The following CC2D2A variants were observed in gnomAD, a reference collection of about 807,000 sequenced individuals.
The protein encoded by CC2D2A is coiled-coil and C2 domain-containing protein 2A.
Under a neutral mutation model 212.9 loss-of-function variants are expected in CC2D2A, and 155 were observed. The ratio of observed to expected loss-of-function variants is 0.73; its 90% CI spans 0.64 to 0.83. The LOEUF is 0.83. Among genes scored for constraint, CC2D2A ranks in the 40% least tolerant of loss-of-function variants. The pLI, the probability that CC2D2A is intolerant of heterozygous loss-of-function variation, is 0.00. For synonymous variants in CC2D2A, 667 were observed against 686.5 expected (o/e 0.97, Z 0.44); for missense variants, 1,856 against 1,956.2 (o/e 0.95, Z 0.97).
intron 17 of CC2D2A, among the ~76,000 whole-genome samples, chr4:15,548,689 C>G (rs1311709618): frequency 6.6e-6 from 1 of 152,070 alleles, no homozygotes; most frequent in African/African-American, 2.4e-5. Context: ...ACCAAGGTCT[C>G]CAGTGCAATA....
chr4:15,490,240 C>A (rs927900325), intron 4 of CC2D2A, among the ~76,000 whole-genome samples: 4 of 152,156 alleles, frequency 2.6e-5, no homozygotes, highest in Admixed American at 2.0e-4. Flanking sequence ...TATCAAACTA[C>A]AATCCAGTTT....
At chr4:15,493,710 G>T (rs1715447919) in intron 4 of CC2D2A, among the ~76,000 whole-genome samples, 1 of 152,108 alleles carries the variant, frequency 6.6e-6, no homozygotes, top group Non-Finnish European at 1.5e-5. Context: ...TCCCCCACTG[G>T]CATACATTCT....
At position 15,569,211 on chromosome 4, in the gene CC2D2A, A is replaced by AT. The variant is rs371876511; in HGVS notation, c.3399-77dup. The AT allele has an allele frequency of 7.4e-4, 557 of 753,060 alleles. 5 individuals carry two copies. In the African/African-American group the frequency reaches 8.7e-3, roughly 12 times the overall value. 46.6% of individuals were successfully genotyped at this position (753,060 alleles called of 1,614,324 possible). On this transcript the variant is annotated intron_variant, in intron 26 of 36. Transcript: ENST00000424120. ...CTAACATCTATGCTCATATTTGGGT[A>AT]TTTTTCAAATGCTGACATTTGAATG...
chr4:15,593,467 AT>A (rs1721195157), intron 33 of CC2D2A, among the ~76,000 whole-genome samples: 1 of 152,172 alleles, frequency 6.6e-6, no homozygotes, highest in Non-Finnish European at 1.5e-5. Context: ...AATACCACAT[AT>A]ATGCCGATGA....
chr4:15,555,770 G>A (rs1196355199), intron 20 of CC2D2A, among the ~76,000 whole-genome samples: 1 of 152,004 alleles, frequency 6.6e-6, no homozygotes, highest in African/African-American at 2.4e-5. Context: ...CCCTTTATCT[G>A]GGCACACAAT....
In CC2D2A at chr4:15,553,276, A is replaced by G. The variant is rs1206142167; in HGVS notation, c.2457A>G (p.Pro819=). ...AAAACGGGATACCTTTAATTCCTCCATTGTCACAGCAGAACATCGGATTTC... is the reference window on the plus strand; with the variant it reads ...AAAACGGGATACCTTTAATTCCTCCGTTGTCACAGCAGAACATCGGATTTC... The part of the protein sequence containing the change: ...IGENGIPLIP[P]LSQQNIGFRS... Residue 819 remains proline (P), a synonymous_variant, in exon 19 of 37, where the codon CCA becomes CCG. Coordinates refer to ENST00000424120, the MANE Select transcript of CC2D2A (RefSeq NM_001378615.1). The G allele has an allele frequency of 1.2e-6, 2 of 1,613,262 alleles. No individual in the cohort carries two copies. Among genetic ancestry groups the G allele is most frequent in the Admixed American group, 1.7e-5 (1 of 59,932 alleles).
intron 11 of CC2D2A, among the ~76,000 whole-genome samples, chr4:15,525,590 C>G (rs1201115739): frequency 6.6e-6 from 1 of 152,122 alleles, no homozygotes; most frequent in Non-Finnish European, 1.5e-5. Flanking sequence ...GATCTGATCT[C>G]TGAAAGGCCA....
At chr4:15,472,144 C>T (rs1014650855) in intron 1 of CC2D2A, among the ~76,000 whole-genome samples, 26 of 152,082 alleles carry the variant, frequency 1.7e-4, no homozygotes, top group African/African-American at 4.8e-4. Flanking sequence ...TGAGGGAGGA[C>T]TCAGGAATCA....
intron 28 of CC2D2A, among the ~76,000 whole-genome samples, chr4:15,571,067 T>C (rs1026736859): frequency 1.3e-5 from 2 of 152,200 alleles, no homozygotes; most frequent in Non-Finnish European, 2.9e-5. Context: ...AGTTAATGTA[T>C]GACTGTTCAA....
intron 33 of CC2D2A, among the ~76,000 whole-genome samples, chr4:15,595,243 A>G (rs2148492901): frequency 6.6e-6 from 1 of 152,342 alleles, no homozygotes; most frequent in Non-Finnish European, 1.5e-5. Flanking sequence ...TACTGAATGG[A>G]CAAATTCATG....
chr4:15,499,366 A>T (rs1715795314), intron 4 of CC2D2A, among the ~76,000 whole-genome samples: 1 of 152,200 alleles, frequency 6.6e-6, no homozygotes, highest in Admixed American at 6.6e-5. Flanking sequence ...GGGCTGGAAT[A>T]TATGGGAAGT....
intron 5 of CC2D2A, 45 bp downstream of exon 5, chr4:15,502,562 C>T: frequency 6.7e-7 from 1 of 1,485,260 alleles, no homozygotes; most frequent in East Asian, 2.3e-5. Context: ...TGATTGCAAT[C>T]TTCCAGGGCT....
At chr4:15,549,800 C>T (rs1411184037) in intron 17 of CC2D2A, among the ~76,000 whole-genome samples, 1 of 152,008 alleles carries the variant, frequency 6.6e-6, no homozygotes, top group Non-Finnish European at 1.5e-5. Flanking sequence ...GAGACTCCAT[C>T]TAAAAAAAGA....
At chr4:15,473,813 G>T (rs1034088202) in intron 1 of CC2D2A, among the ~76,000 whole-genome samples, 4 of 152,148 alleles carry the variant, frequency 2.6e-5, no homozygotes, top group Admixed American at 2.6e-4. Flanking sequence ...ATTTCTGATG[G>T]ATTCATGTGA....
intron 11 of CC2D2A, among the ~76,000 whole-genome samples, chr4:15,521,422 AG>A (rs1377465802): frequency 1.3e-5 from 2 of 152,148 alleles, no homozygotes; most frequent in Non-Finnish European, 2.9e-5. Flanking sequence ...TCATTTATTC[AG>A]TCTGTCTCTT....
chr4:15,564,289 T>G (rs1205384661), intron 24 of CC2D2A: 1 of 151,922 alleles, frequency 6.6e-6, no homozygotes, highest in African/African-American at 2.4e-5. Flanking sequence ...GGTCTGGAAC[T>G]CCTGGCCTCA....
chr4:15,573,367 T>C (rs1720254354), intron 28 of CC2D2A, among the ~76,000 whole-genome samples: 1 of 152,212 alleles, frequency 6.6e-6, no homozygotes, highest in East Asian at 1.9e-4. Flanking sequence ...CTCGGCTCAC[T>C]GCAACCTCCA....
chr4:15,595,479 A>T (rs1203718957), intron 33 of CC2D2A, among the ~76,000 whole-genome samples: 1 of 152,246 alleles, frequency 6.6e-6, no homozygotes, highest in Non-Finnish European at 1.5e-5. Context: ...TAAGAGGTAC[A>T]GATTAATTAA....
At chr4:15,545,989 A>C (rs1181565770) in intron 17 of CC2D2A, among the ~76,000 whole-genome samples, 1 of 152,074 alleles carries the variant, frequency 6.6e-6, no homozygotes, top group African/African-American at 2.4e-5. Context: ...ACATACCTCT[A>C]GTCCCAGCTA....
Sources: gnomAD v4.1 joint callset for allele counts (sites outside exome capture counted in the v4.1 genomes callset) on GRCh38, gnomAD v4.1.1 for gene constraint, MANE v1.5 for transcripts, NCBI Gene and HGNC (gene_info 2026-07-23, HGNC 2026-07-21) for gene names.